The following CNTN5 variants were observed in gnomAD, a reference collection of about 807,000 sequenced individuals.
CNTN5 encodes the protein contactin 5.
A neutral mutation model predicts 129.1 loss-of-function variants in CNTN5; 77 were observed. The ratio of observed to expected loss-of-function variants is 0.60; its 90% CI spans 0.50 to 0.72. CNTN5 has a LOEUF of 0.72. Ranked by LOEUF, CNTN5 falls within the 30% of genes least tolerant of loss-of-function variation. The pLI is 0.00. For synonymous variants in CNTN5, 509 were observed against 465.6 expected (o/e 1.09, Z -1.20); for missense variants, 1,478 against 1,328.8 (o/e 1.11, Z -1.75).
At chr11:99,973,006 C>A (rs928738297) in intron 8 of CNTN5, among the ~76,000 whole-genome samples, 1 of 151,716 alleles carries the variant, frequency 6.6e-6, no homozygotes, top group African/African-American at 2.4e-5. Flanking sequence ...ATACATATTT[C>A]TTTATATTTT....
chr11:99,628,731 A>G (rs561877641), intron 3 of CNTN5, among the ~76,000 whole-genome samples: 1 of 152,136 alleles, frequency 6.6e-6, no homozygotes, highest in South Asian at 2.1e-4. Flanking sequence ...TTAGAGAGCT[A>G]ACAAAGGGCA....
chr11:100,254,306 A>C (rs543061645), intron 16 of CNTN5, among the ~76,000 whole-genome samples: 1 of 152,204 alleles, frequency 6.6e-6, no homozygotes, highest in South Asian at 2.1e-4. Context: ...TCCCGCAATC[A>C]CCCTAACTCT....
intron 7 of CNTN5, among the ~76,000 whole-genome samples, chr11:99,946,401 T>G (rs567813276): frequency 5.8e-4 from 88 of 152,148 alleles, no homozygotes; most frequent in Non-Finnish European, 8.7e-4. Flanking sequence ...CCCACACTTG[T>G]GGAGAATACA....
chr11:99,298,540 G>A (rs1317883141), intron 1 of CNTN5, among the ~76,000 whole-genome samples: 1 of 152,080 alleles, frequency 6.6e-6, no homozygotes, highest in Non-Finnish European at 1.5e-5. Context: ...TTAACCACAA[G>A]GACTCAAATA....
At chr11:99,783,904 G>A (rs1945410831) in intron 3 of CNTN5, among the ~76,000 whole-genome samples, 1 of 151,576 alleles carries the variant, frequency 6.6e-6, no homozygotes, top group Non-Finnish European at 1.5e-5. Flanking sequence ...GCACCAGCAT[G>A]GCACATGTAT....
intron 2 of CNTN5, among the ~76,000 whole-genome samples, chr11:99,433,369 AAATG>A (rs1943468852): frequency 3.3e-5 from 1 of 30,100 alleles, no homozygotes; most frequent in Non-Finnish European, 8.9e-5. Context: ...GGTAAAAAAA[AAATG>A]TGTGTGTGTG....
At chr11:99,384,001 C>T (rs751307538) in intron 2 of CNTN5, among the ~76,000 whole-genome samples, 4 of 152,132 alleles carry the variant, frequency 2.6e-5, no homozygotes, top group Non-Finnish European at 5.9e-5. Context: ...AGGGTTTTAT[C>T]CAAGTTCCAC....
chr11:100,317,033 G>A (rs902338047), intron 21 of CNTN5, among the ~76,000 whole-genome samples: 1 of 152,182 alleles, frequency 6.6e-6, no homozygotes, highest in Non-Finnish European at 1.5e-5. Flanking sequence ...CAGAGGATAT[G>A]CAACTCAGAA....
chr11:99,064,158 G>C (rs1025256705), intron 1 of CNTN5, among the ~76,000 whole-genome samples: 1 of 152,070 alleles, frequency 6.6e-6, no homozygotes, highest in Non-Finnish European at 1.5e-5. Flanking sequence ...TAGTTGGTTA[G>C]TTTTCATGCC....
intron 3 of CNTN5, among the ~76,000 whole-genome samples, chr11:99,626,461 T>C (rs1951136438): frequency 6.6e-6 from 1 of 152,154 alleles, no homozygotes; most frequent in Non-Finnish European, 1.5e-5. Flanking sequence ...GAAATGCCTC[T>C]TCTTTACATC....
chr11:99,683,669 G>T lies in CNTN5; in HGVS notation c.55+127400G>T, dbSNP rs146062631. On this transcript the variant is annotated intron_variant, in intron 3 of 24. Transcript: ENST00000524871. ...GTTTGCCAGTTTTCACACACAAAAA[G>T]AATGAGGTTTGTTTGGGAGTACATT... Among the ~76,000 whole-genome samples, 27 of 151,880 alleles carry T rather than the reference G, an allele frequency of 1.8e-4. No individual in the cohort carries two copies. The East Asian group carries it at 5.2e-3, about 29-fold the overall frequency.
At chr11:100,343,792 G>A (rs931877493) in intron 23 of CNTN5, among the ~76,000 whole-genome samples, 1 of 152,060 alleles carries the variant, frequency 6.6e-6, no homozygotes, top group Non-Finnish European at 1.5e-5. Context: ...CTCAGAAGGA[G>A]AATCCTTTTG....
intron 2 of CNTN5, among the ~76,000 whole-genome samples, chr11:99,356,572 C>T (rs895727905): frequency 2.6e-5 from 4 of 152,274 alleles, no homozygotes; most frequent in East Asian, 3.9e-4. Context: ...GCAATGACTT[C>T]GTTTTTCAAA....
At chr11:99,265,405 T>A (rs893959646) in intron 1 of CNTN5, among the ~76,000 whole-genome samples, 1 of 152,050 alleles carries the variant, frequency 6.6e-6, no homozygotes, top group Non-Finnish European at 1.5e-5. Context: ...AGTTTGGAAC[T>A]GTGGCCCTAT....
intron 3 of CNTN5, among the ~76,000 whole-genome samples, chr11:99,663,927 C>T (rs1338711884): frequency 6.6e-6 from 1 of 152,106 alleles, no homozygotes; most frequent in Non-Finnish European, 1.5e-5. Flanking sequence ...TAATAGCAAT[C>T]AAAAATTATT....
intron 2 of CNTN5, among the ~76,000 whole-genome samples, chr11:99,346,353 T>C (rs1937864705): frequency 6.6e-6 from 1 of 152,260 alleles, no homozygotes; most frequent in Non-Finnish European, 1.5e-5. Context: ...CTATATGGTA[T>C]TGCAAACACC....
intron 9 of CNTN5, among the ~76,000 whole-genome samples, chr11:100,035,214 T>A (rs1288788206): frequency 4.0e-5 from 2 of 49,458 alleles, no homozygotes; most frequent in African/African-American, 2.5e-4. Flanking sequence ...AGTGAGAACA[T>A]GTGTGTTTGG....
At chr11:99,291,039 A>G (rs1864151598) in intron 1 of CNTN5, among the ~76,000 whole-genome samples, 1 of 151,922 alleles carries the variant, frequency 6.6e-6, no homozygotes, top group African/African-American at 2.4e-5. Flanking sequence ...CTGTGTCCAA[A>G]TGTAAAACTA....
chr11:99,939,606 A>C (rs555634881), intron 7 of CNTN5, among the ~76,000 whole-genome samples: 1 of 148,418 alleles, frequency 6.7e-6, no homozygotes, highest in Non-Finnish European at 1.5e-5. Flanking sequence ...CACTGTATCA[A>C]TAGTCAACCA....
Sources: allele counts gnomAD v4.1 joint callset (sites outside exome capture counted in the v4.1 genomes callset), GRCh38; gene constraint gnomAD v4.1.1; transcripts MANE v1.5; gene names NCBI Gene and HGNC (gene_info 2026-07-23, HGNC 2026-07-21).